LSAMP: variants seen among roughly 807,000 people sequenced by gnomAD.
The protein encoded by LSAMP is limbic system associated membrane protein, also known as limbic system-associated membrane protein.
In LSAMP, 7 loss-of-function variants were observed where a neutral mutation model predicts 38.6. That is an observed-to-expected ratio of 0.18 (90% CI 0.10 to 0.34). The LOEUF (loss-of-function observed/expected upper bound fraction) is 0.34, where lower values mean the gene tolerates loss of function less well. Ranked by LOEUF, LSAMP falls within the 10% of genes least tolerant of loss-of-function variation. LSAMP has a pLI of 1.00. For missense variants in LSAMP, 313 were observed against 420.0 expected (o/e 0.75, Z 2.23); for synonymous variants, 154 against 166.8 (o/e 0.92, Z 0.59).
At chr3:115,907,314 T>C (rs1937030406) in intron 3 of LSAMP, among the ~76,000 whole-genome samples, 1 of 152,108 alleles carries the variant, frequency 6.6e-6, no homozygotes, top group South Asian at 2.1e-4. Flanking sequence ...ATGAGCCCTC[T>C]GGGAGGTGAT....
intron 2 of LSAMP, among the ~76,000 whole-genome samples, chr3:116,021,857 T>C (rs1940648332): frequency 6.6e-6 from 1 of 152,008 alleles, no homozygotes; most frequent in Non-Finnish European, 1.5e-5. Context: ...AGACTTTGCA[T>C]TTACATGTCA....
In LSAMP at chr3:115,997,751, T is replaced by TATATAC. The variant is rs1457895117; in HGVS notation, c.514+21763_514+21764insGTATAT. Among the ~76,000 whole-genome samples, 104 of 131,276 alleles carry TATATAC rather than the reference T, an allele frequency of 7.9e-4. 1 individual carries two copies. The East Asian group carries it at 0.016, about 20-fold the overall frequency. The allele number at this position is 131,276 out of a possible 152,430, so 86.1% of individuals were successfully genotyped here. A position where few individuals can be genotyped will look rare whatever the true frequency, so the allele number is the denominator to read the frequency against. On this transcript the variant is annotated intron_variant, in intron 3 of 6. Transcript: ENST00000490035. ...ATATATATATATATATATATATATA[T>TATATAC]ATACACACACATACATACACACACA...
At chr3:116,298,465 T>G (rs1358452622) in intron 1 of LSAMP, among the ~76,000 whole-genome samples, 1 of 152,006 alleles carries the variant, frequency 6.6e-6, no homozygotes, top group Non-Finnish European at 1.5e-5. Context: ...TTTTCTCTGA[T>G]TTCTGGAGTT....
intron 2 of LSAMP, among the ~76,000 whole-genome samples, chr3:116,042,117 A>G (rs1036090814): frequency 6.6e-6 from 1 of 152,162 alleles, no homozygotes; most frequent in African/African-American, 2.4e-5. Context: ...TTAAAATTTT[A>G]TGTGTACTAT....
At chr3:115,888,142 T>A (rs1936504044) in intron 3 of LSAMP, among the ~76,000 whole-genome samples, 1 of 151,970 alleles carries the variant, frequency 6.6e-6, no homozygotes, top group Non-Finnish European at 1.5e-5. Context: ...TGTGTATAAC[T>A]ATTTATATAT....
chr3:116,409,990 G>A (rs561771618), intron 1 of LSAMP, among the ~76,000 whole-genome samples: 56 of 152,180 alleles, frequency 3.7e-4, no homozygotes, highest in Non-Finnish European at 6.0e-4. Context: ...AGTGCCACAG[G>A]GAAGAGGACT....
At chr3:116,069,278 C>T (rs1251006459) in intron 2 of LSAMP, among the ~76,000 whole-genome samples, 1 of 152,196 alleles carries the variant, frequency 6.6e-6, no homozygotes, top group Non-Finnish European at 1.5e-5. Flanking sequence ...ATCCTTCTCA[C>T]ACTCCATGTG....
intron 1 of LSAMP, among the ~76,000 whole-genome samples, chr3:116,319,373 T>C (rs1271831566): frequency 1.3e-5 from 2 of 152,172 alleles, no homozygotes; most frequent in East Asian, 3.9e-4. Context: ...TTCAGTAGTA[T>C]CTTGTATACA....
intron 1 of LSAMP, among the ~76,000 whole-genome samples, chr3:116,160,305 A>G (rs905440798): frequency 6.6e-6 from 1 of 151,858 alleles, no homozygotes; most frequent in East Asian, 1.9e-4. Flanking sequence ...AGGCTGAGGT[A>G]GGAGAATTGC....
At chr3:116,390,568 A>G (rs1182851750) in intron 1 of LSAMP, among the ~76,000 whole-genome samples, 1 of 152,004 alleles carries the variant, frequency 6.6e-6, no homozygotes, top group Non-Finnish European at 1.5e-5. Flanking sequence ...AATGGAAGAA[A>G]AGGCAAGGAC....
intron 1 of LSAMP, among the ~76,000 whole-genome samples, chr3:116,393,599 CG>C (rs1176604477): frequency 6.6e-6 from 1 of 152,106 alleles, no homozygotes; most frequent in Non-Finnish European, 1.5e-5. Context: ...CCAGCAGGCC[CG>C]AACAAAAACT....
At chr3:116,357,085 G>C (rs962458387) in intron 1 of LSAMP, among the ~76,000 whole-genome samples, 1 of 152,136 alleles carries the variant, frequency 6.6e-6, no homozygotes, top group African/African-American at 2.4e-5. Context: ...GAGCCATCGC[G>C]CCCGGCTAGG....
chr3:116,372,660 A>G (rs1468876588), intron 1 of LSAMP, among the ~76,000 whole-genome samples: 2 of 151,588 alleles, frequency 1.3e-5, no homozygotes, highest in Non-Finnish European at 1.5e-5. Context: ...TGCAAATACT[A>G]TCATAAAAAG....
rs1014832828 is a variant in LSAMP at position 115,979,950 on chromosome 3, T to C, written c.514+39565A>G. On this transcript the variant is annotated intron_variant, in intron 3 of 6. Coordinates refer to ENST00000490035, the MANE Select transcript of LSAMP (RefSeq NM_002338.5). ...CTGCTTAAAGGTGCCCTTTAATCAT[T>C]AGCATAGTTCTTTACATAGTCTGTT... Among the ~76,000 whole-genome samples, 3 of 152,144 alleles carry C rather than the reference T, an allele frequency of 2.0e-5. No individual in the cohort carries two copies. The East Asian group carries it at 5.8e-4, about 29-fold the overall frequency.
intron 1 of LSAMP, among the ~76,000 whole-genome samples, chr3:116,211,350 C>G (rs1413059716): frequency 2.0e-5 from 3 of 152,084 alleles, no homozygotes; most frequent in African/African-American, 7.2e-5. Flanking sequence ...AGTGTTCTCT[C>G]CACAAATAAA....
intron 3 of LSAMP, among the ~76,000 whole-genome samples, chr3:115,890,591 A>G (rs1256393893): frequency 6.6e-6 from 1 of 151,852 alleles, no homozygotes; most frequent in Non-Finnish European, 1.5e-5. Flanking sequence ...CTTTCTATCC[A>G]TTCTTTCTTC....
rs114579893 is a variant in LSAMP, at chr3:115,855,231, C to T, written c.515-2614G>A. 4.5e-3 allele frequency among the ~76,000 whole-genome samples: 692 copies of T among 152,156 alleles called. 4 individuals carry two copies. The highest frequency in any genetic ancestry group is 0.015 in the African/African-American group (613 of 41,504). ...TATTTTTAGCTGCGCCAACTAAAGC[C>T]CTACCAATTCTGGAAGATGGCACCT... On this transcript the variant is annotated intron_variant, in intron 3 of 6. Coordinates refer to ENST00000490035, the MANE Select transcript of LSAMP (RefSeq NM_002338.5).
chr3:116,214,963 G>A (rs1387635089), intron 1 of LSAMP, among the ~76,000 whole-genome samples: 4 of 152,158 alleles, frequency 2.6e-5, no homozygotes, highest in Admixed American at 6.6e-5. Context: ...GGAAGTTAAC[G>A]AAATAACCAC....
intron 3 of LSAMP, among the ~76,000 whole-genome samples, chr3:115,889,852 A>T (rs771214785): frequency 1.1e-4 from 17 of 151,954 alleles, no homozygotes; most frequent in Non-Finnish European, 2.4e-4. Flanking sequence ...CTACTAAAAC[A>T]ATGCGAAAAA....
Sources: allele counts gnomAD v4.1 joint callset (sites outside exome capture counted in the v4.1 genomes callset), GRCh38; gene constraint gnomAD v4.1.1; transcripts MANE v1.5; gene names NCBI Gene and HGNC (gene_info 2026-07-23, HGNC 2026-07-21).